Variants in OIP5 observed in about 807,000 individuals in gnomAD.
OIP5 encodes Opa interacting protein 5, also known as protein Mis18-beta.
OIP5 carries 24 observed loss-of-function variants against 20.3 expected under a neutral mutation model. The ratio of observed to expected loss-of-function variants is 1.18; its 90% CI spans 0.86 to 1.66. OIP5 has a LOEUF of 1.66. Among genes scored for constraint, OIP5 ranks in the 40% most tolerant of loss-of-function variants. OIP5 has a pLI of 0.00. For synonymous variants in OIP5, 143 were observed against 121.3 expected (o/e 1.18, Z -1.17); for missense variants, 339 against 289.5 (o/e 1.17, Z -1.24).
intron 2 of OIP5, among the ~76,000 whole-genome samples, chr15:41,324,772 G>A (rs774578585): frequency 1.3e-5 from 2 of 152,164 alleles, no homozygotes; most frequent in Non-Finnish European, 2.9e-5. Context: ...TTACAAGCGT[G>A]AGCCACCGCG....
chr15:41,329,994 G>A (rs2047886903), intron 2 of OIP5, among the ~76,000 whole-genome samples: 1 of 152,068 alleles, frequency 6.6e-6, no homozygotes, highest in Non-Finnish European at 1.5e-5. Flanking sequence ...ACGGCGCCTG[G>A]CCTAATTTTG....
Position 41,332,574 on chromosome 15 carries a change from G to T in OIP5, c.-13C>A, listed in dbSNP as rs762883167. 5.7e-6 allele frequency: 9 copies of T among 1,589,288 alleles called. No individual in the cohort carries two copies. The South Asian group carries it at 9.2e-5, about 16-fold the overall frequency. ...GCTGAGCCGCCATCTTCCCGCAGCC[G>T]GCGCCTTCCTTTCGAATACACGCCA... On this transcript the variant is annotated 5_prime_UTR_variant, in exon 1 of 5. Transcript: ENST00000220514.
chr15:41,318,780 G>GA (rs2047804125), intron 3 of OIP5, among the ~76,000 whole-genome samples: 3 of 147,410 alleles, frequency 2.0e-5, no homozygotes, highest in African/African-American at 7.5e-5. Context: ...ATGTAACCTT[G>GA]AACTCCTGGG....
At chr15:41,316,106 C>T (rs577781811) in intron 3 of OIP5, among the ~76,000 whole-genome samples, 151 of 151,994 alleles carry the variant, frequency 9.9e-4, no homozygotes, top group African/African-American at 3.5e-3. Flanking sequence ...CCAGCTCCAG[C>T]CTGGGCGAAA....
At chr15:41,314,471 G>C (rs956938501) in intron 3 of OIP5, among the ~76,000 whole-genome samples, 2 of 151,948 alleles carry the variant, frequency 1.3e-5, no homozygotes, top group African/African-American at 4.8e-5. Context: ...TGCTTTCTCA[G>C]ATGAGGTGAT....
chr15:41,328,431 C>T (rs1567028280), intron 2 of OIP5, among the ~76,000 whole-genome samples: 1 of 152,020 alleles, frequency 6.6e-6, no homozygotes, highest in African/African-American at 2.4e-5. Context: ...TTTGCCATAA[C>T]AATTAGAAAA....
rs553208978 is a variant in OIP5 at position 41,330,384 on chromosome 15, G to A, written c.389+1531C>T. Among the ~76,000 whole-genome samples, 15 of 149,680 alleles carry A rather than the reference G, an allele frequency of 1.0e-4. No homozygotes were observed. The South Asian group carries it at 3.2e-3, about 32-fold the overall frequency. ...AAAAGTGCTGGGATTATAGGCGTAA[G>A]CCACCGCTCCCAGCCGTAATCAGTA... On this transcript the variant is annotated intron_variant, in intron 2 of 4. Coordinates refer to ENST00000220514, the MANE Select transcript of OIP5 (RefSeq NM_007280.2).
chr15:41,320,319 T>C lies in OIP5; in HGVS notation c.390-539A>G, dbSNP rs540179902. ...TCCCTCTCTTTCCACGGTCTCCCTC[T>C]GATGCCAAGCCAAAGCTGGACTGTA... On this transcript the variant is annotated intron_variant, in intron 2 of 4. Coordinates refer to ENST00000220514, the MANE Select transcript of OIP5 (RefSeq NM_007280.2). Among the ~76,000 whole-genome samples, 16 of 152,260 alleles carry C rather than the reference T, an allele frequency of 1.1e-4. No individual in the cohort carries two copies. The South Asian group carries it at 3.1e-3, about 30-fold the overall frequency.
intron 2 of OIP5, among the ~76,000 whole-genome samples, chr15:41,323,549 C>T (rs774741118): frequency 2.0e-5 from 3 of 152,108 alleles, no homozygotes; most frequent in Non-Finnish European, 4.4e-5. Context: ...CAGCTCACTA[C>T]AGCCTTGACA....
At chr15:41,316,528 G>A (rs947460284) in intron 3 of OIP5, among the ~76,000 whole-genome samples, 1 of 152,044 alleles carries the variant, frequency 6.6e-6, no homozygotes, top group Non-Finnish European at 1.5e-5. Flanking sequence ...GGTGGCTCAT[G>A]CCTGTAATCC....
At chr15:41,321,153 G>A (rs529247325) in intron 2 of OIP5, among the ~76,000 whole-genome samples, 6 of 148,390 alleles carry the variant, frequency 4.0e-5, no homozygotes, top group African/African-American at 1.5e-4. Context: ...GGAGGGAGGT[G>A]GGGGGTCAGC....
chr15:41,330,327 G>A (rs1428030907), intron 2 of OIP5, among the ~76,000 whole-genome samples: 4 of 151,356 alleles, frequency 2.6e-5, no homozygotes, highest in Non-Finnish European at 1.5e-5. Context: ...TCGAACTCCC[G>A]ACCTCTGGTG....
chr15:41,324,769 C>A (rs772847231), intron 2 of OIP5, among the ~76,000 whole-genome samples: 1 of 152,154 alleles, frequency 6.6e-6, no homozygotes, highest in African/African-American at 2.4e-5. Flanking sequence ...GGATTACAAG[C>A]GTGAGCCACC....
Position 41,311,700 on chromosome 15 carries a change from T to A in OIP5, c.594+1573A>T, listed in dbSNP as rs888019572. On this transcript the variant is annotated intron_variant, in intron 4 of 4. Transcript: ENST00000220514. ...CTCCTGCTTCAGCCTCCTGAGTAGCTGGGGCTGGGATTATAGGCGCCTGCC... is the reference window on the plus strand; with the variant it reads ...CTCCTGCTTCAGCCTCCTGAGTAGCAGGGGCTGGGATTATAGGCGCCTGCC... 4.6e-5 allele frequency among the ~76,000 whole-genome samples: 7 copies of A among 152,058 alleles called. No homozygotes were observed. In the South Asian group the frequency reaches 1.5e-3, roughly 32 times the overall value.
intron 3 of OIP5, among the ~76,000 whole-genome samples, chr15:41,315,005 G>T (rs1277189987): frequency 6.6e-6 from 1 of 151,554 alleles, no homozygotes; most frequent in Non-Finnish European, 1.5e-5. Flanking sequence ...CCAGCTACTT[G>T]GGAGGCTGAG....
At chr15:41,328,704 T>C (rs1197769951) in intron 2 of OIP5, among the ~76,000 whole-genome samples, 2 of 152,024 alleles carry the variant, frequency 1.3e-5, no homozygotes, top group African/African-American at 2.4e-5. Flanking sequence ...AGGGAGTATA[T>C]TTTAGGAGTA....
At chr15:41,329,760 G>A (rs1484097289) in intron 2 of OIP5, among the ~76,000 whole-genome samples, 2 of 151,622 alleles carry the variant, frequency 1.3e-5, no homozygotes, top group Non-Finnish European at 2.9e-5. Flanking sequence ...GGAGTACAGT[G>A]GGATGATCTT....
chr15:41,330,753 T>C (rs1251466467), intron 2 of OIP5, among the ~76,000 whole-genome samples: 1 of 152,192 alleles, frequency 6.6e-6, no homozygotes, highest in Non-Finnish European at 1.5e-5. Flanking sequence ...GTCTTTGAAA[T>C]CCAGTGTGTA....
rs560529830 is a variant in OIP5, at chr15:41,332,452, A to G, written c.110T>C (p.Met37Thr). The change falls in exon 1 of 5, where the codon ATG becomes ACG. Residue 37 changes from methionine (M) to threonine (T), a missense_variant. Physicochemically the swap from Met to Thr is moderately conservative, Grantham distance 81. Transcript: ENST00000220514. ...CTTCACCACCTGCGTATCCCACTCC[A>G]TGGAGGTCGTAAAAGAAGCTTGGTC... Reference protein sequence around the residue: ...AIDQASFTTSMEWDTQVVKGS... With the variant: ...AIDQASFTTSTEWDTQVVKGS... 7 of 1,613,986 alleles carry G rather than the reference A, an allele frequency of 4.3e-6. No individual in the cohort carries two copies. In the East Asian group the frequency reaches 1.3e-4, roughly 31 times the overall value.
Sources: gnomAD v4.1 joint callset for allele counts (sites outside exome capture counted in the v4.1 genomes callset) on GRCh38, gnomAD v4.1.1 for gene constraint, MANE v1.5 for transcripts, NCBI Gene and HGNC (gene_info 2026-07-23, HGNC 2026-07-21) for gene names.